Variants in TENM1 observed in about 807,000 individuals in gnomAD.
TENM1 encodes teneurin transmembrane protein 1, also known as teneurin-1.
TENM1 carries 35 observed loss-of-function variants against 174.8 expected under a neutral mutation model. The ratio of observed to expected loss-of-function variants is 0.20; its 90% CI spans 0.15 to 0.27. The LOEUF is 0.27. Among genes scored for constraint, TENM1 ranks in the 10% least tolerant of loss-of-function variants. The pLI, the probability that TENM1 is intolerant of heterozygous loss-of-function variation, is 1.00. For missense variants in TENM1, 1,633 were observed against 2,130.1 expected (o/e 0.77, Z 4.59); for synonymous variants, 781 against 798.7 (o/e 0.98, Z 0.37).
At chrX:125,109,188 C>A in the TENM1 span, among the ~76,000 whole-genome samples, 1 of 97,919 alleles carries the variant, frequency 1.0e-5, no homozygotes, top group Non-Finnish European at 1.9e-5. Flanking sequence ...CACACACTTA[C>A]ACACACAGAC....
chrX:125,184,330 TA>T, the TENM1 span, among the ~76,000 whole-genome samples: 4 of 110,431 alleles, frequency 3.6e-5, no homozygotes, highest in African/African-American at 1.0e-4. Flanking sequence ...ATTACCAAAT[TA>T]AAAAAATTAT....
intron 5 of TENM1, among the ~76,000 whole-genome samples, chrX:124,701,834 G>C (rs955699982): frequency 8.9e-6 from 1 of 111,886 alleles, no homozygotes; most frequent in African/African-American, 3.2e-5. Flanking sequence ...GGCTTTTCAC[G>C]TGCTGGATTT....
intron 1 of TENM1, among the ~76,000 whole-genome samples, chrX:124,932,308 A>G (rs1461934596): frequency 1.8e-5 from 2 of 112,384 alleles, no homozygotes; most frequent in Admixed American, 1.9e-4. Flanking sequence ...AGGAATTTTA[A>G]ATGTAATTCA....
intron 3 of TENM1, among the ~76,000 whole-genome samples, chrX:124,748,478 CT>C (rs764942042): frequency 7.7e-4 from 85 of 110,855 alleles, no homozygotes; most frequent in African/African-American, 2.6e-3. Context: ...CTACTTATAA[CT>C]TACAAAATAA....
At chrX:124,382,419 T>G (rs948318212) in intron 31 of TENM1, among the ~76,000 whole-genome samples, 9 of 111,432 alleles carry the variant, frequency 8.1e-5, no homozygotes, top group Admixed American at 2.9e-4. Context: ...GTACAGTTCC[T>G]CTTTCCTCTT....
intron 22 of TENM1, among the ~76,000 whole-genome samples, chrX:124,471,317 ATAT>A (rs755508690): frequency 0.015 from 363 of 23,871 alleles, 2 homozygotes; most frequent in Middle Eastern, 0.056. Flanking sequence ...ATAGTACTAT[ATAT>A]TATAATATAT....
intron 4 of TENM1, among the ~76,000 whole-genome samples, chrX:124,714,091 GT>G (rs1239068067): frequency 2.7e-5 from 3 of 111,766 alleles, no homozygotes; most frequent in Non-Finnish European, 5.6e-5. Context: ...CTCTGCTAAA[GT>G]ACTTCATGTG....
At chrX:125,002,227 T>C in the TENM1 span, among the ~76,000 whole-genome samples, 3 of 111,530 alleles carry the variant, frequency 2.7e-5, no homozygotes, top group Non-Finnish European at 3.8e-5. Flanking sequence ...AGAGTTTCAA[T>C]TGCATAGTGC....
chrX:124,593,535 A>G lies in TENM1; in HGVS notation c.2078-27975T>C, dbSNP rs183639191. ...GCTAGTCTAGGCAAGCAGGTGCTCT[A>G]AATGCCTAGATTTCTGCCTGGGCAT... On this transcript the variant is annotated intron_variant, in intron 11 of 31. Transcript: ENST00000422452. 1.4e-4 allele frequency among the ~76,000 whole-genome samples: 15 copies of G among 109,805 alleles called. No homozygotes were observed. The East Asian group carries it at 3.8e-3, about 28-fold the overall frequency.
chrX:124,676,295 T>A (rs1483222210), intron 5 of TENM1, among the ~76,000 whole-genome samples: 11 of 47,322 alleles, frequency 2.3e-4, no homozygotes, highest in Non-Finnish European at 3.6e-5. Context: ...TATATATATA[T>A]ATATATATAT....
intron 3 of TENM1, among the ~76,000 whole-genome samples, chrX:124,752,720 G>A (rs2054110222): frequency 9.0e-6 from 1 of 111,285 alleles, no homozygotes; most frequent in Non-Finnish European, 1.9e-5. Flanking sequence ...TGGCTAGCCA[G>A]TTTTCCCAGC....
intron 3 of TENM1, among the ~76,000 whole-genome samples, chrX:124,743,470 G>T (rs184242812): frequency 1.2e-3 from 133 of 111,917 alleles, no homozygotes; most frequent in Middle Eastern, 9.1e-3. Flanking sequence ...GAAGGAGAGA[G>T]AAATAGAGAG....
chrX:124,647,226 A>G (rs1051444633), intron 8 of TENM1, among the ~76,000 whole-genome samples: 3 of 112,018 alleles, frequency 2.7e-5, no homozygotes, highest in African/African-American at 9.7e-5. Context: ...GTTTTAGCAA[A>G]TAAAGTTTCT....
intron 6 of TENM1, among the ~76,000 whole-genome samples, chrX:124,654,738 T>A (rs777212619): frequency 9.0e-6 from 1 of 111,317 alleles, no homozygotes; most frequent in East Asian, 2.8e-4. Context: ...AGAAAGCCAT[T>A]AAAGGTTTTT....
chrX:124,696,121 C>T (rs940813914), intron 5 of TENM1, among the ~76,000 whole-genome samples: 10 of 111,965 alleles, frequency 8.9e-5, no homozygotes, highest in Non-Finnish European at 1.9e-4. Flanking sequence ...AGTGCTATCT[C>T]TACAACATTC....
chrX:124,956,138 C>A (rs1044103637), intron 1 of TENM1, among the ~76,000 whole-genome samples: 2 of 111,688 alleles, frequency 1.8e-5, no homozygotes, highest in African/African-American at 6.5e-5. Context: ...GTCACCATGC[C>A]CTAGGCAGAA....
rs202056765 is a variant in TENM1 at position 124,644,210 on chromosome X, C to CATAT, written c.1876+929_1876+932dup. ...ACATATATATATAAATTTACATATA[C>CATAT]ATATATATATATATATGGCAGATAT... is the stretch of plus-strand genomic sequence containing the variant. On this transcript the variant is annotated intron_variant, in intron 10 of 31. Coordinates refer to ENST00000422452, the Ensembl canonical transcript of TENM1. Among the ~76,000 whole-genome samples, 231 of 95,671 alleles carry CATAT rather than the reference C, an allele frequency of 2.4e-3. 3 individuals carry two copies. Among genetic ancestry groups the CATAT allele is most frequent in the African/African-American group, 8.6e-3 (223 of 25,809 alleles). 83.1% of individuals were successfully genotyped at this position (95,671 alleles called of 115,157 possible). A position where few individuals can be genotyped will look rare whatever the true frequency, so the allele number is the denominator to read the frequency against.
chrX:124,492,153 T>C (rs1377463980), intron 20 of TENM1, among the ~76,000 whole-genome samples: 2 of 111,928 alleles, frequency 1.8e-5, no homozygotes, highest in Non-Finnish European at 3.8e-5. Flanking sequence ...TTGACAATAT[T>C]GCTTCTCCAT....
chrX:125,049,402 T>C, the TENM1 span, among the ~76,000 whole-genome samples: 8 of 112,527 alleles, frequency 7.1e-5, no homozygotes, highest in East Asian at 2.2e-3. Flanking sequence ...ATCCCTGTTA[T>C]AGTACTTCAT....
Sources: allele counts gnomAD v4.1 joint callset (sites outside exome capture counted in the v4.1 genomes callset), GRCh38; gene constraint gnomAD v4.1.1; transcripts MANE v1.5; gene names NCBI Gene and HGNC (gene_info 2026-07-23, HGNC 2026-07-21).